The following NCAM1 variants were observed in gnomAD, a reference collection of about 807,000 sequenced individuals.
NCAM1 encodes the protein neural cell adhesion molecule 1, also known as antigen recognized by monoclonal antibody 5.1H11.
A neutral mutation model predicts 109.8 loss-of-function variants in NCAM1; 14 were observed. The observed-to-expected ratio is 0.13, with a 90% confidence interval of 0.08 to 0.20. The LOEUF is 0.20. Among genes scored for constraint, NCAM1 ranks in the 10% least tolerant of loss-of-function variants. The pLI, the probability that NCAM1 is intolerant of heterozygous loss-of-function variation, is 1.00. For missense variants in NCAM1, 774 were observed against 1,109.9 expected, an observed-to-expected ratio of 0.70 and a Z score of 4.30; for synonymous variants, 418 against 442.9, an observed-to-expected ratio of 0.94 and a Z score of 0.70.
At chr11:113,064,072 C>T (rs1937816980) in intron 1 of NCAM1, among the ~76,000 whole-genome samples, 1 of 152,206 alleles carries the variant, frequency 6.6e-6, no homozygotes, top group Admixed American at 6.5e-5. Context: ...TGAAACAGTT[C>T]TAATCAACTG....
rs377572460 is a variant in NCAM1 at position 113,053,231 on chromosome 11, A to C, written c.52+91567A>C. Among the ~76,000 whole-genome samples the C allele has an allele frequency of 3.3e-5, 5 of 152,340 alleles. No homozygotes were observed. In the East Asian group the frequency reaches 7.7e-4, roughly 24 times the overall value. On this transcript the variant is annotated intron_variant, in intron 1 of 19. Coordinates refer to ENST00000316851, the MANE Select transcript of NCAM1 (RefSeq NM_181351.5). The stretch of plus-strand genomic sequence containing the variant: ...CTCCATTCATGTTCCTGCAAAGGAC[A>C]TGATCTCATTCCTTTTTTATGGCTG...
chr11:113,031,930 TTTTG>T (rs1233478410), intron 1 of NCAM1, among the ~76,000 whole-genome samples: 11 of 151,974 alleles, frequency 7.2e-5, no homozygotes, highest in Admixed American at 4.6e-4. Context: ...ATTATCATCG[TTTTG>T]TTTGTTTGTT....
chr11:113,135,186 C>T (rs530004225), intron 1 of NCAM1, among the ~76,000 whole-genome samples: 49 of 152,276 alleles, frequency 3.2e-4, no homozygotes, highest in South Asian at 1.9e-3. Flanking sequence ...TGTGCCTTCA[C>T]TGCAGTCCCA....
At chr11:113,219,573 T>G (rs1555114906) in intron 8 of NCAM1, among the ~76,000 whole-genome samples, 1 of 152,234 alleles carries the variant, frequency 6.6e-6, no homozygotes, top group African/African-American at 2.4e-5. Flanking sequence ...CTAATGTGGG[T>G]CACACATTCA....
intron 1 of NCAM1, chr11:113,040,932 C>T (rs913500124): frequency 6.6e-6 from 1 of 152,134 alleles, no homozygotes; most frequent in South Asian, 2.1e-4. Flanking sequence ...ATAGGTAAGA[C>T]CCTTTTCTTT....
chr11:113,221,169 C>A, intron 8 of NCAM1, 127 bp from the exon 9 acceptor site: 1 of 909,208 alleles, frequency 1.1e-6, no homozygotes, highest in Non-Finnish European at 1.7e-6. Context: ...GAAAGTGGGC[C>A]TTGGAAAAAG....
rs564307502 is a variant in NCAM1, at chr11:113,273,498, C to T, written c.2456+1622C>T. ...CACCCAGCCCGGAGCCGCGAAGAGC[C>T]CGGCCGAGGCAGCCACAGCCCTTGC... On this transcript the variant is annotated intron_variant, in intron 19 of 19. Coordinates refer to ENST00000316851, the MANE Select transcript of NCAM1 (RefSeq NM_181351.5). This position sits in a 1 kb window ranked among gnomAD's most constrained non-coding sequence, Gnocchi z 6.0. 6.0e-6 allele frequency: 2 copies of T among 335,812 alleles called. No individual in the cohort carries two copies. Among genetic ancestry groups the T allele is most frequent in the East Asian group, 1.7e-4 (2 of 11,688 alleles). The allele number at this position is 335,812 out of a possible 1,614,324, so 20.8% of individuals were successfully genotyped here.
rs199615286 is a variant in NCAM1 at position 113,166,772 on chromosome 11, A to AC, written c.53-35607_53-35606insC. 4.3e-3 allele frequency among the ~76,000 whole-genome samples: 647 copies of AC among 150,096 alleles called. 3 individuals are homozygous for AC. Among genetic ancestry groups the AC allele is most frequent in the African/African-American group, 0.015 (608 of 40,362 alleles). ...AGTTGTCACTGCGACACACACACAC[A>AC]AAAAAAAACACTGGCTCTATTCTAC... On this transcript the variant is annotated intron_variant, in intron 1 of 19. Transcript: ENST00000316851.
At chr11:113,260,589 G>A (rs1555123167) in intron 17 of NCAM1, among the ~76,000 whole-genome samples, 3 of 152,142 alleles carry the variant, frequency 2.0e-5, no homozygotes, top group African/African-American at 7.2e-5. Flanking sequence ...TCAGTCCATT[G>A]GACCCCTCAG....
At chr11:113,136,772 T>C (rs1332334615) in intron 1 of NCAM1, among the ~76,000 whole-genome samples, 1 of 151,888 alleles carries the variant, frequency 6.6e-6, no homozygotes, top group African/African-American at 2.4e-5. Context: ...GTGGAGAGGG[T>C]GGCTTCCAAT....
chr11:113,060,572 TTTAAA>T (rs1953880747), intron 1 of NCAM1, among the ~76,000 whole-genome samples: 1 of 152,226 alleles, frequency 6.6e-6, no homozygotes, highest in African/African-American at 2.4e-5. Flanking sequence ...ATAAAAATAG[TTTAAA>T]TTATTTATAG....
chr11:112,965,031 A>G (rs139447786), intron 1 of NCAM1, among the ~76,000 whole-genome samples: 2 of 152,088 alleles, frequency 1.3e-5, no homozygotes, highest in East Asian at 3.9e-4. Flanking sequence ...CTTTCCCTAA[A>G]TTGTTGAACC....
intron 1 of NCAM1, among the ~76,000 whole-genome samples, chr11:113,099,337 A>G (rs530700762): frequency 3.9e-5 from 6 of 152,322 alleles, no homozygotes; most frequent in African/African-American, 1.4e-4. Flanking sequence ...GGAGTTTAGT[A>G]CAGTGATATA....
At chr11:113,049,598 T>A (rs1953393349) in intron 1 of NCAM1, among the ~76,000 whole-genome samples, 1 of 152,188 alleles carries the variant, frequency 6.6e-6, no homozygotes, top group Non-Finnish European at 1.5e-5. Flanking sequence ...ACAGAAGAGC[T>A]GAAAGTGCTG....
intron 1 of NCAM1, among the ~76,000 whole-genome samples, chr11:113,117,882 G>A (rs1000497177): frequency 6.6e-6 from 1 of 151,972 alleles, no homozygotes; most frequent in Admixed American, 6.5e-5. Flanking sequence ...AAGGAAGACA[G>A]ATTTTTAAAT....
At chr11:113,215,461 A>G (rs891611113) in intron 8 of NCAM1, among the ~76,000 whole-genome samples, 3 of 152,094 alleles carry the variant, frequency 2.0e-5, no homozygotes, top group East Asian at 1.9e-4. Context: ...AATGTCAAAA[A>G]TGATAGATTT....
chr11:113,277,532 A>AG lies in NCAM1; in HGVS notation c.*2149dup, dbSNP rs781945336. 2.0e-5 allele frequency: 8 copies of AG among 398,128 alleles called. No individual in the cohort carries two copies. The highest frequency in any genetic ancestry group is 3.5e-5 in the Non-Finnish European group (8 of 225,966). 24.7% of individuals were successfully genotyped at this position (398,128 alleles called of 1,614,324 possible). ...CTGAGACCGGGAGGGCCCAGCAGTG[A>AG]GGGGCAGGCTCTTCTGGTCACCAGG... On this transcript the variant is annotated 3_prime_UTR_variant, in exon 20 of 20. Transcript: ENST00000316851.
chr11:113,248,172 C>T (rs1409567321), intron 15 of NCAM1, among the ~76,000 whole-genome samples: 6 of 149,278 alleles, frequency 4.0e-5, no homozygotes, highest in Non-Finnish European at 5.9e-5. Context: ...CTGCAGTTGC[C>T]GTAGAAACAC....
intron 14 of NCAM1, chr11:113,236,415 G>T: frequency 7.6e-7 from 1 of 1,310,442 alleles, no homozygotes. Context: ...TCCCCTAGAG[G>T]CTGAAGTAGA....
Sources: allele counts gnomAD v4.1 joint callset (sites outside exome capture counted in the v4.1 genomes callset), GRCh38; gene constraint gnomAD v4.1.1; non-coding constraint Gnocchi (gnomAD v3.1); transcripts MANE v1.5; gene names NCBI Gene and HGNC (gene_info 2026-07-23, HGNC 2026-07-21).